Variants in TMC7 observed in about 807,000 individuals in gnomAD.
TMC7 encodes transmembrane channel-like protein 7.
A neutral mutation model predicts 82.9 loss-of-function variants in TMC7; 54 were observed. That is an observed-to-expected ratio of 0.65 (90% CI 0.52 to 0.82). TMC7 has a LOEUF of 0.82. Among genes scored for constraint, TMC7 ranks in the 40% least tolerant of loss-of-function variants. TMC7 has a pLI of 0.00. For missense variants in TMC7, 820 were observed against 901.2 expected, an observed-to-expected ratio of 0.91 and a Z score of 1.15; for synonymous variants, 350 against 337.9, an observed-to-expected ratio of 1.04 and a Z score of -0.39.
rs1961209648 is a variant in TMC7 at position 19,045,142 on chromosome 16, C to T, written c.1455+141C>T. Reference sequence around the variant, plus strand: ...TTCTAGTGATGAGACAGAGTCTGGCCCCATGGAGTCTAACCCCAGGCACTT... The same window carrying T: ...TTCTAGTGATGAGACAGAGTCTGGCTCCATGGAGTCTAACCCCAGGCACTT... On this transcript the variant is annotated intron_variant, in intron 10 of 15. Transcript: ENST00000304381. 9.3e-6 allele frequency: 8 copies of T among 862,184 alleles called. No individual in the cohort carries two copies. In the Admixed American group the frequency reaches 1.5e-4, roughly 16 times the overall value. The allele number at this position is 862,184 out of a possible 1,614,324, so 53.4% of individuals were successfully genotyped here.
intron 2 of TMC7, among the ~76,000 whole-genome samples, chr16:19,013,053 G>T (rs1263398110): frequency 6.6e-6 from 1 of 151,422 alleles, no homozygotes; most frequent in Non-Finnish European, 1.5e-5. Flanking sequence ...CTGACCTCAG[G>T]TGATCCGCCT....
intron 1 of TMC7, among the ~76,000 whole-genome samples, chr16:19,001,909 G>A (rs960574041): frequency 6.6e-6 from 1 of 152,170 alleles, no homozygotes; most frequent in African/African-American, 2.4e-5. Flanking sequence ...CTGGTGAGAG[G>A]CCTGGATCCA....
At chr16:19,010,496 G>T (rs1271382691) in intron 2 of TMC7, among the ~76,000 whole-genome samples, 2 of 152,172 alleles carry the variant, frequency 1.3e-5, no homozygotes, top group Non-Finnish European at 2.9e-5. Context: ...GTTCAGGTCA[G>T]TGGGGGACTT....
In TMC7 at chr16:19,047,195, C is replaced by G. The variant is rs142779900; in HGVS notation, c.1686C>G (p.Pro562=). The G allele has an allele frequency of 1.2e-6, 2 of 1,613,892 alleles. No homozygotes were observed. Among genetic ancestry groups the G allele is most frequent in the African/African-American group, 1.3e-5 (1 of 74,962 alleles). ...TICWIGAFFS[P]LLPAIATLKF... ...GCTGGATCGGAGCCTTTTTCTCACC[C>G]CTTCTCCCTGCAATTGCAACCCTGA... The change falls in exon 12 of 16, where the codon CCC becomes CCG. Residue 562 remains proline (P), a synonymous_variant. Transcript: ENST00000304381.
chr16:19,005,060 A>T (rs911945273), intron 1 of TMC7, among the ~76,000 whole-genome samples: 11 of 55,498 alleles, frequency 2.0e-4, no homozygotes, highest in East Asian at 1.8e-3. Flanking sequence ...ACTTTATTTT[A>T]TTTATTTATT....
chr16:19,014,324 C>T (rs529821932), intron 2 of TMC7, among the ~76,000 whole-genome samples: 12 of 152,278 alleles, frequency 7.9e-5, no homozygotes, highest in African/African-American at 1.9e-4. Context: ...TGTCCCCAGA[C>T]CATTGCCTGA....
rs1450704107 is a variant in TMC7 at position 19,030,385 on chromosome 16, G to A, written c.857+16G>A. On this transcript the variant is annotated intron_variant, in intron 6 of 15. Transcript: ENST00000304381. ...TAGTGAAAAGGTAAAGTCTGCCTTT[G>A]CATTCTCTCTGAATTACCCCTGATG... The A allele has an allele frequency of 2.5e-6, 4 of 1,601,690 alleles. No individual in the cohort carries two copies. In the Admixed American group the frequency reaches 6.9e-5, roughly 28 times the overall value.
chr16:19,014,994 C>T lies in TMC7; in HGVS notation c.312-1456C>T, dbSNP rs143685358. ...TTTGTTTTTTTTTGATATGGAGTCT[C>T]GCTCTGTCACCCAGGCTGGAGTGCA... On this transcript the variant is annotated intron_variant, in intron 2 of 15. Coordinates refer to ENST00000304381, the MANE Select transcript of TMC7 (RefSeq NM_024847.4). 7.3e-5 allele frequency among the ~76,000 whole-genome samples: 11 copies of T among 151,262 alleles called. No homozygotes were observed. The South Asian group carries it at 1.5e-3, about 20-fold the overall frequency.
intron 4 of TMC7, among the ~76,000 whole-genome samples, chr16:19,022,111 T>C (rs1960007775): frequency 6.6e-6 from 1 of 152,166 alleles, no homozygotes. Context: ...ATCTGGAGCA[T>C]TGATAGTCAC....
At chr16:19,036,223 G>A (rs1960740698) in intron 7 of TMC7, among the ~76,000 whole-genome samples, 1 of 152,068 alleles carries the variant, frequency 6.6e-6, no homozygotes. Context: ...ATATGAAAAA[G>A]TACAGACCGG....
At chr16:19,049,680 C>T (rs777701089) in intron 12 of TMC7, 180 of 984,890 alleles carry the variant, frequency 1.8e-4, no homozygotes, top group Non-Finnish European at 2.1e-4. Flanking sequence ...TGGGTTGGGT[C>T]ATGGTGGGTA....
At chr16:19,015,981 C>T (rs1473988289) in intron 2 of TMC7, among the ~76,000 whole-genome samples, 2 of 152,194 alleles carry the variant, frequency 1.3e-5, no homozygotes, top group African/African-American at 2.4e-5. Context: ...TGACGGACTG[C>T]CAAACTTTTT....
rs1962034755 is a variant in TMC7, at chr16:19,062,123, AT to A, written c.*281del. The A allele has an allele frequency of 2.7e-6, 1 of 364,074 alleles. No homozygotes were observed. The highest frequency in any genetic ancestry group is 2.1e-5 in the African/African-American group (1 of 48,128). 22.6% of individuals were successfully genotyped at this position (364,074 alleles called of 1,614,324 possible). ...ACAAGCCATTCAAGCTTTTACAAGA[AT>A]GAAAGAGCGGAGACGGTAGTTTAGT... is the stretch of plus-strand genomic sequence containing the variant. On this transcript the variant is annotated 3_prime_UTR_variant, in exon 16 of 16. Transcript: ENST00000304381.
intron 9 of TMC7, 137 bp downstream of exon 9, chr16:19,040,583 C>T: frequency 2.8e-6 from 2 of 716,924 alleles, no homozygotes; most frequent in Non-Finnish European, 4.6e-6. Context: ...CTTCAGACAG[C>T]CCCCATGAAT....
At position 18,984,076 on chromosome 16, in the gene TMC7, A is replaced by G. The variant is rs2038798048; in HGVS notation, c.13A>G (p.Ser5Gly). The change falls in exon 1 of 16, where the codon AGC becomes GGC. Residue 5 changes from serine (S) to glycine (G), a missense_variant. Ser to Gly is a moderately conservative substitution (Grantham distance 56, BLOSUM62 0). Transcript: ENST00000304381. MSES[S>G]GSALQPGRPS... Reference sequence around the variant, plus strand: ...GCGGGGCGCGGCCATGAGCGAGTCCAGCGGCAGTGCGCTCCAGCCCGGCAG... The same window carrying G: ...GCGGGGCGCGGCCATGAGCGAGTCCGGCGGCAGTGCGCTCCAGCCCGGCAG... The G allele has an allele frequency of 3.3e-6, 5 of 1,499,490 alleles. No homozygotes were observed. Among genetic ancestry groups the G allele is most frequent in the Non-Finnish European group, 4.4e-6 (5 of 1,132,490 alleles). 92.9% of individuals were successfully genotyped at this position (1,499,490 alleles called of 1,614,324 possible).
rs941631660 is a variant in TMC7 at position 19,023,261 on chromosome 16, C to T, written c.711+66C>T. The T allele has an allele frequency of 5.4e-6, 6 of 1,114,794 alleles. No homozygotes were observed. The Admixed American group carries it at 6.8e-5, about 13-fold the overall frequency. The allele number at this position is 1,114,794 out of a possible 1,614,324, so 69.1% of individuals were successfully genotyped here. A position where few individuals can be genotyped will look rare whatever the true frequency, so the allele number is the denominator to read the frequency against. On this transcript the variant is annotated intron_variant, in intron 5 of 15. Coordinates refer to ENST00000304381, the MANE Select transcript of TMC7 (RefSeq NM_024847.4). ...ACTAAAAATTGATTGATTTAAAGAT[C>T]AGTTTCCCAAATTTCTGCAGTGAGA...
In TMC7 at chr16:19,037,902, A is replaced by G; in HGVS notation, c.1034A>G (p.Gln345Arg). ...GATCTGGAGGAAGAAAGAATGCGGC[A>G]GAAAATAGCAGAAAGGACCTCAGAA... ...RADLEEERMR[Q>R]KIAERTSEET... The change falls in exon 8 of 16, where the codon CAG (glutamine) becomes CGG (arginine). Residue 345 changes from glutamine to arginine, a missense_variant. This residue lies in a region of TMC7 where 650 missense variants were observed against 669.9 expected (regional missense o/e 0.97). Transcript: ENST00000304381. 6.2e-7 allele frequency: 1 copy of G among 1,613,590 alleles called. No homozygotes were observed. Among genetic ancestry groups the G allele is most frequent in the Non-Finnish European group, 8.5e-7 (1 of 1,179,916 alleles).
intron 4 of TMC7, 21 bp downstream of exon 4, chr16:19,021,817 A>T (rs113373134): frequency 6.2e-7 from 1 of 1,610,668 alleles, no homozygotes; most frequent in South Asian, 1.1e-5. Flanking sequence ...GGCCTGGTTT[A>T]CTACGAAGTG....
intron 1 of TMC7, among the ~76,000 whole-genome samples, chr16:19,005,051 CTTTAT>C (rs1567505186): frequency 2.1e-5 from 3 of 145,948 alleles, no homozygotes; most frequent in Non-Finnish European, 3.0e-5. Context: ...ATGTTAAATA[CTTTAT>C]TTTATTTATT....
Sources: gnomAD v4.1 joint callset for allele counts (sites outside exome capture counted in the v4.1 genomes callset) on GRCh38, gnomAD v4.1.1 for gene constraint, gnomAD v4.1.1 regional missense constraint, MANE v1.5 for transcripts, NCBI Gene and HGNC (gene_info 2026-07-23, HGNC 2026-07-21) for gene names.